The following CCDC38 variants were observed in gnomAD, a reference collection of about 807,000 sequenced individuals.
CCDC38 encodes coiled-coil domain-containing protein 38.
A neutral mutation model predicts 72.8 loss-of-function variants in CCDC38; 69 were observed. The observed-to-expected ratio is 0.95, with a 90% CI of 0.78 to 1.16. The LOEUF (loss-of-function observed/expected upper bound fraction) is 1.16, where lower values mean the gene tolerates loss of function less well. Among genes scored for constraint, CCDC38 ranks in the 50% most tolerant of loss-of-function variants. CCDC38 has a pLI of 0.00. For missense variants in CCDC38, 626 were observed against 638.9 expected, an observed-to-expected ratio of 0.98 and a Z score of 0.22; for synonymous variants, 201 against 213.2, an observed-to-expected ratio of 0.94 and a Z score of 0.50.
chr12:95,934,961 T>C (rs1048200739), intron 2 of CCDC38: 1 of 152,244 alleles, frequency 6.6e-6, no homozygotes, highest in African/African-American at 2.4e-5. Context: ...TGAGCCGAGA[T>C]GGTGCCACTG....
intron 4 of CCDC38, among the ~76,000 whole-genome samples, chr12:95,911,694 TTA>T (rs1395431998): frequency 1.3e-5 from 2 of 152,156 alleles, no homozygotes; most frequent in Non-Finnish European, 2.9e-5. Context: ...AGAATGGCTA[TTA>T]TTAAAAAGTC....
intron 5 of CCDC38, among the ~76,000 whole-genome samples, chr12:95,900,241 T>A (rs561810061): frequency 2.6e-4 from 40 of 152,230 alleles, no homozygotes; most frequent in Admixed American, 5.2e-4. Flanking sequence ...AGGGTTTGAA[T>A]CATAATCCCT....
At chr12:95,905,084 G>A (rs1306286416) in intron 5 of CCDC38, among the ~76,000 whole-genome samples, 5 of 152,132 alleles carry the variant, frequency 3.3e-5, no homozygotes, top group Non-Finnish European at 2.9e-5. Flanking sequence ...TAAATAATCT[G>A]TAGATTAATT....
chr12:95,896,055 C>CAA (rs1169899419), intron 7 of CCDC38, among the ~76,000 whole-genome samples: 4,773 of 72,848 alleles, frequency 0.066, 417 homozygotes, highest in African/African-American at 0.22. Context: ...GACTCTGTCT[C>CAA]AAAAAAAAAA....
Position 95,895,016 on chromosome 12 carries a change from T to G in CCDC38, c.745A>C (p.Asn249His). The change falls in exon 8 of 16, where the codon AAT (asparagine) becomes CAT (histidine). Residue 249 changes from asparagine to histidine, a missense_variant. Coordinates refer to ENST00000344280, the MANE Select transcript of CCDC38 (RefSeq NM_182496.3). Reference sequence around the variant, plus strand: ...GCTAATATTTTTGGAAGGATGATATTTGCTTTACTTTTTGATGCCTGTGCT... The same window carrying G: ...GCTAATATTTTTGGAAGGATGATATGTGCTTTACTTTTTGATGCCTGTGCT... ...KRAQASKSKANIILPKILAKL... is the reference protein window; with the variant it reads ...KRAQASKSKAHIILPKILAKL... 1 of 1,609,562 alleles carries G rather than the reference T, an allele frequency of 6.2e-7. No individual in the cohort carries two copies. The highest frequency in any genetic ancestry group is 1.1e-5 in the South Asian group (1 of 89,692).
chr12:95,894,964 T>G, intron 8 of CCDC38, 25 bp downstream of exon 8: 1 of 1,567,312 alleles, frequency 6.4e-7, no homozygotes, highest in South Asian at 1.2e-5. Flanking sequence ...ATTTAGTTCA[T>G]GAAAGTTGAG....
intron 5 of CCDC38, among the ~76,000 whole-genome samples, chr12:95,899,608 T>C (rs1195271671): frequency 6.6e-6 from 1 of 152,150 alleles, no homozygotes; most frequent in Non-Finnish European, 1.5e-5. Context: ...CCTATTTGGG[T>C]TTTTAATACC....
In CCDC38 at chr12:95,898,732, C is replaced by A; in HGVS notation, c.370-1G>T. ...TGTTTCTTTTGGTTGACAAAGCATA[C>A]TAGGGGCATTGAAGACAGAGGTGTA... is the stretch of plus-strand genomic sequence containing the variant. On this transcript the variant is annotated splice_acceptor_variant, in intron 5 of 15. Coordinates refer to ENST00000344280, the MANE Select transcript of CCDC38 (RefSeq NM_182496.3). LOFTEE classifies it high-confidence loss of function. 6.2e-7 allele frequency: 1 copy of A among 1,612,724 alleles called. No individual in the cohort carries two copies. The highest frequency in any genetic ancestry group is 8.5e-7 in the Non-Finnish European group (1 of 1,179,698).
At chr12:95,888,155 A>G (rs1015557166) in intron 10 of CCDC38, among the ~76,000 whole-genome samples, 3 of 152,234 alleles carry the variant, frequency 2.0e-5, no homozygotes, top group African/African-American at 7.2e-5. Context: ...ACATGGTGAA[A>G]TTGCAAACAC....
rs2079679778 is a variant in CCDC38, at chr12:95,879,845, A to G, written c.991-50T>C. ...TAATTTACTTAAAAATATGCTACCT[A>G]TGCACATGTGACTTATCTAGAAAAT... On this transcript the variant is annotated intron_variant, in intron 11 of 15. Coordinates refer to ENST00000344280, the MANE Select transcript of CCDC38 (RefSeq NM_182496.3). The surrounding 1 kb of genome is among the most constrained non-coding windows in gnomAD (Gnocchi z 5.5). 2 of 1,407,114 alleles carry G rather than the reference A, an allele frequency of 1.4e-6. No individual in the cohort carries two copies. The highest frequency in any genetic ancestry group is 2.0e-6 in the Non-Finnish European group (2 of 1,023,658). The allele number at this position is 1,407,114 out of a possible 1,614,324, so 87.2% of individuals were successfully genotyped here. A position where few individuals can be genotyped will look rare whatever the true frequency, so the allele number is the denominator to read the frequency against.
intron 4 of CCDC38, among the ~76,000 whole-genome samples, chr12:95,912,326 A>G (rs1390775950): frequency 6.6e-6 from 1 of 152,192 alleles, no homozygotes; most frequent in Non-Finnish European, 1.5e-5. Context: ...CATTCAACAT[A>G]CCCTCATAAC....
intron 10 of CCDC38, among the ~76,000 whole-genome samples, chr12:95,883,416 C>G (rs1033406404): frequency 1.3e-5 from 2 of 152,122 alleles, no homozygotes; most frequent in African/African-American, 4.8e-5. Flanking sequence ...GCCTCTCCCC[C>G]TTTTACCCAG....
chr12:95,891,770 T>C (rs2079829921), intron 8 of CCDC38, among the ~76,000 whole-genome samples: 1 of 152,310 alleles, frequency 6.6e-6, no homozygotes, highest in East Asian at 1.9e-4. Context: ...CTCAACACTT[T>C]ACACATATGA....
At chr12:95,940,208 CCAAT>C (rs1241170149) in intron 1 of CCDC38, among the ~76,000 whole-genome samples, 1 of 152,114 alleles carries the variant, frequency 6.6e-6, no homozygotes, top group African/African-American at 2.4e-5. Flanking sequence ...TAAGAAACTC[CCAAT>C]CAAAGTTCTT....
intron 2 of CCDC38, among the ~76,000 whole-genome samples, chr12:95,927,061 C>CAG (rs1478841852): frequency 1.3e-5 from 2 of 152,008 alleles, no homozygotes; most frequent in East Asian, 3.9e-4. Context: ...ATTAGGTCTG[C>CAG]TTGGTGCAGA....
At chr12:95,893,470 TTC>T (rs796994347) in intron 8 of CCDC38, among the ~76,000 whole-genome samples, 2 of 81,040 alleles carry the variant, frequency 2.5e-5, no homozygotes, top group Non-Finnish European at 4.4e-5. Flanking sequence ...CTCTCTCTCT[TTC>T]TCTCTCTCTC....
At chr12:95,898,220 C>T (rs1310222320) in intron 7 of CCDC38, among the ~76,000 whole-genome samples, 165 bp downstream of exon 7, 1 of 152,180 alleles carries the variant, frequency 6.6e-6, no homozygotes, top group Non-Finnish European at 1.5e-5. Flanking sequence ...GATACCCAGG[C>T]AGGAACAAAT....
At chr12:95,920,497 C>T (rs1283494373) in intron 2 of CCDC38, among the ~76,000 whole-genome samples, 1 of 152,082 alleles carries the variant, frequency 6.6e-6, no homozygotes, top group Non-Finnish European at 1.5e-5. Context: ...TGCAGTATAT[C>T]CATACAAGGA....
intron 3 of CCDC38, among the ~76,000 whole-genome samples, chr12:95,917,743 G>A (rs2080161413): frequency 2.6e-5 from 4 of 151,814 alleles, no homozygotes; most frequent in Non-Finnish European, 5.9e-5. Flanking sequence ...GTGGTGACGG[G>A]TGCCTGTAGT....
Sources: gnomAD v4.1 joint callset for allele counts (sites outside exome capture counted in the v4.1 genomes callset) on GRCh38, gnomAD v4.1.1 for gene constraint, Gnocchi (gnomAD v3.1) non-coding constraint, MANE v1.5 for transcripts, NCBI Gene and HGNC (gene_info 2026-07-23, HGNC 2026-07-21) for gene names.